Variants in SNX29 observed in about 807,000 individuals in gnomAD.
SNX29 encodes sorting nexin-29.
A neutral mutation model predicts 102.1 loss-of-function variants in SNX29; 78 were observed. That is an observed-to-expected ratio of 0.76 (90% CI 0.64 to 0.92). The LOEUF (loss-of-function observed/expected upper bound fraction) is 0.92, where lower values mean the gene tolerates loss of function less well. Among genes scored for constraint, SNX29 ranks in the 40% least tolerant of loss-of-function variants. The pLI is 0.00. For synonymous variants in SNX29, 580 were observed against 414.5 expected (o/e 1.40, Z -4.85); for missense variants, 1,280 against 1,061.7 (o/e 1.21, Z -2.86).
intron 20 of SNX29, among the ~76,000 whole-genome samples, chr16:12,544,705 C>T (rs2077506376): frequency 1.3e-5 from 2 of 152,182 alleles, no homozygotes; most frequent in Non-Finnish European, 2.9e-5. Context: ...CTTCCTCCAC[C>T]ATCCCTTTAA....
intron 8 of SNX29, among the ~76,000 whole-genome samples, chr16:12,058,545 G>A (rs546700851): frequency 1.4e-5 from 2 of 143,226 alleles, no homozygotes; most frequent in East Asian, 2.1e-4. Context: ...CCAGGCTGGA[G>A]TGCAGTGGCG....
chr16:12,537,811 G>A (rs1276180718), intron 20 of SNX29, among the ~76,000 whole-genome samples: 1 of 152,018 alleles, frequency 6.6e-6, no homozygotes, highest in Non-Finnish European at 1.5e-5. Flanking sequence ...TCAGAGAGGT[G>A]TGTCCACAGC....
At chr16:12,225,222 C>G (rs1482479039) in intron 14 of SNX29, among the ~76,000 whole-genome samples, 10 of 152,062 alleles carry the variant, frequency 6.6e-5, no homozygotes, top group Admixed American at 6.5e-4. Flanking sequence ...ATGTATCTAC[C>G]TTTAAGGGAC....
intron 14 of SNX29, among the ~76,000 whole-genome samples, chr16:12,246,941 G>T (rs1433148062): frequency 1.3e-5 from 2 of 152,162 alleles, no homozygotes; most frequent in African/African-American, 2.4e-5. Flanking sequence ...TATGGGGAAG[G>T]CCAGAGGCAC....
chr16:12,563,179 G>T (rs893876359), intron 20 of SNX29, among the ~76,000 whole-genome samples: 14 of 140,186 alleles, frequency 1.0e-4, no homozygotes, highest in African/African-American at 3.3e-4. Flanking sequence ...GCTCAGGGAT[G>T]TCACTTCCCA....
chr16:12,326,710 C>A lies in SNX29; in HGVS notation c.1783-29453C>A, dbSNP rs184831426. Among the ~76,000 whole-genome samples the A allele has an allele frequency of 2.8e-3, 432 of 152,290 alleles. 1 individual carries two copies. Among genetic ancestry groups the A allele is most frequent in the South Asian group, 3.9e-3 (19 of 4,824 alleles). ...TTTAAGTCACTCCCAAGTCTCCAAT[C>A]CTGGACAAGTTTCTCTGTGCTGTTG... On this transcript the variant is annotated intron_variant, in intron 15 of 20. Coordinates refer to ENST00000566228, the MANE Select transcript of SNX29 (RefSeq NM_032167.5).
chr16:12,211,966 A>C (rs2077196337), intron 14 of SNX29, among the ~76,000 whole-genome samples: 1 of 152,204 alleles, frequency 6.6e-6, no homozygotes, highest in Non-Finnish European at 1.5e-5. Context: ...TAATCATTAC[A>C]GTCATCCACC....
intron 18 of SNX29, among the ~76,000 whole-genome samples, chr16:12,458,963 A>G (rs1334091065): frequency 6.6e-6 from 1 of 152,140 alleles, no homozygotes; most frequent in Non-Finnish European, 1.5e-5. Context: ...ATATAAGTAA[A>G]ACATTCTGTT....
At chr16:12,152,350 AGGTAACT>A (rs1173548920) in intron 13 of SNX29, among the ~76,000 whole-genome samples, 1 of 152,212 alleles carries the variant, frequency 6.6e-6, no homozygotes, top group East Asian at 1.9e-4. Flanking sequence ...CATCCAGACC[AGGTAACT>A]GGTTTACAGA....
intron 18 of SNX29, among the ~76,000 whole-genome samples, chr16:12,464,606 C>T (rs1243035988): frequency 2.0e-5 from 3 of 151,860 alleles, no homozygotes; most frequent in Non-Finnish European, 2.9e-5. Context: ...AGGCATGTAC[C>T]ACCACACCTG....
At chr16:11,981,665 G>A (rs921314695) in intron 1 of SNX29, among the ~76,000 whole-genome samples, 92 of 152,190 alleles carry the variant, frequency 6.0e-4, no homozygotes, top group African/African-American at 2.2e-3. Flanking sequence ...AGTCAGAGGA[G>A]AGATGGGTGC....
chr16:12,443,075 A>C (rs1343271950), intron 18 of SNX29: 1 of 455,382 alleles, frequency 2.2e-6, no homozygotes, highest in Non-Finnish European at 4.4e-6. Flanking sequence ...GCCTGGTTTG[A>C]GAGGAGTGCG....
rs1403958522 is a variant in SNX29, at chr16:12,356,276, A to T, written c.1896A>T (p.Gly632=). 1.9e-6 allele frequency: 3 copies of T among 1,598,608 alleles called. No homozygotes were observed. The South Asian group carries it at 3.4e-5, about 18-fold the overall frequency. ...GGCAGGAGCTCATCGATCTCCGGGG[A>T]CCGGTGAGTGTTTCCCCAACCCTGT... ...QMRQELIDLR[G]PVPGDLSQTS... is the part of the protein sequence containing the mutation. Residue 632 remains glycine (G), a synonymous_variant, in exon 16 of 21, where the codon GGA becomes GGT. Coordinates refer to ENST00000566228, the MANE Select transcript of SNX29 (RefSeq NM_032167.5).
chr16:12,241,896 T>C (rs895645073), intron 14 of SNX29, among the ~76,000 whole-genome samples: 1 of 152,164 alleles, frequency 6.6e-6, no homozygotes, highest in Non-Finnish European at 1.5e-5. Context: ...TTCTAGTTCA[T>C]GTTCAGTGTG....
At chr16:12,129,901 G>C in intron 13 of SNX29, 143 bp downstream of exon 13, 4 of 999,162 alleles carry the variant, frequency 4.0e-6, no homozygotes, top group Non-Finnish European at 5.6e-6. Context: ...TCAGGAGATC[G>C]AGACCATCCT....
At chr16:12,552,941 C>T (rs986109834) in intron 20 of SNX29, among the ~76,000 whole-genome samples, 1 of 152,184 alleles carries the variant, frequency 6.6e-6, no homozygotes. Context: ...CCTTATATGC[C>T]ACGTCATCAG....
chr16:12,569,226 C>A lies in SNX29; in HGVS notation c.*597C>A, dbSNP rs116430825. The A allele has an allele frequency of 9.0e-6, 2 of 222,550 alleles. No individual in the cohort carries two copies. The highest frequency in any genetic ancestry group is 5.8e-5 in the Admixed American group (1 of 17,126). The allele number at this position is 222,550 out of a possible 1,614,324, so 13.8% of individuals were successfully genotyped here. On this transcript the variant is annotated 3_prime_UTR_variant, in exon 21 of 21. Coordinates refer to ENST00000566228, the MANE Select transcript of SNX29 (RefSeq NM_032167.5). ...AGCTCACTTTTCCAGAGGGATATTC[C>A]TGTGGCTTTGGCAAGGAGCCATTAG...
chr16:12,409,980 T>C (rs2084330372), intron 18 of SNX29, among the ~76,000 whole-genome samples: 3 of 152,034 alleles, frequency 2.0e-5, no homozygotes, highest in Non-Finnish European at 4.4e-5. Flanking sequence ...AGCAAAGCGT[T>C]TTTTTTGTTG....
chr16:12,113,248 G>T (rs1018007708), intron 11 of SNX29, among the ~76,000 whole-genome samples: 1 of 152,142 alleles, frequency 6.6e-6, no homozygotes, highest in Non-Finnish European at 1.5e-5. Flanking sequence ...AATTTGGGAG[G>T]TTGTCAGGAG....
Sources: allele counts gnomAD v4.1 joint callset (sites outside exome capture counted in the v4.1 genomes callset), GRCh38; gene constraint gnomAD v4.1.1; transcripts MANE v1.5; gene names NCBI Gene and HGNC (gene_info 2026-07-23, HGNC 2026-07-21).